Variants in DMXL2 observed in about 807,000 individuals in gnomAD.
The protein encoded by DMXL2 is dmX-like protein 2.
Under a neutral mutation model 331.1 loss-of-function variants are expected in DMXL2, and 103 were observed. The observed-to-expected ratio is 0.31, with a 90% confidence interval of 0.27 to 0.37. DMXL2 has a LOEUF of 0.37. Ranked by LOEUF, DMXL2 falls within the 10% of genes least tolerant of loss-of-function variation. DMXL2 has a pLI of 1.00. For synonymous variants in DMXL2, 1,281 were observed against 1,252.1 expected (o/e 1.02, Z -0.49); for missense variants, 3,171 against 3,642.9 (o/e 0.87, Z 3.33).
chr15:51,521,454 TA>T (rs1318433395), intron 13 of DMXL2, among the ~76,000 whole-genome samples: 5 of 150,012 alleles, frequency 3.3e-5, no homozygotes, highest in African/African-American at 7.4e-5. Context: ...GTAGTAGTAG[TA>T]GTAGTAGTGG....
chr15:51,505,061 A>G (rs1206120197), intron 16 of DMXL2, among the ~76,000 whole-genome samples: 2 of 152,216 alleles, frequency 1.3e-5, no homozygotes, highest in African/African-American at 4.8e-5. Context: ...ATTCACATAT[A>G]TAAAGCACCA....
chr15:51,448,897 A>G lies in DMXL2; in HGVS notation c.*87T>C, dbSNP rs897918707. The G allele has an allele frequency of 6.1e-6, 8 of 1,322,238 alleles. No individual in the cohort carries two copies. The South Asian group carries it at 7.8e-5, about 13-fold the overall frequency. The allele number at this position is 1,322,238 out of a possible 1,614,324, so 81.9% of individuals were successfully genotyped here. ...TCTACACAGAGATTCTCTGTTTTCAATACAACTGCTTAGAAAGCAGAATTG... is the reference window on the plus strand; with the variant it reads ...TCTACACAGAGATTCTCTGTTTTCAGTACAACTGCTTAGAAAGCAGAATTG... On this transcript the variant is annotated 3_prime_UTR_variant, in exon 44 of 44. Coordinates refer to ENST00000560891, the MANE Select transcript of DMXL2 (RefSeq NM_001378457.1).
intron 1 of DMXL2, among the ~76,000 whole-genome samples, chr15:51,619,159 C>T (rs1309303227): frequency 1.3e-5 from 2 of 152,016 alleles, no homozygotes; most frequent in African/African-American, 4.8e-5. Flanking sequence ...GTTGCATAAA[C>T]CCTCAAAACA....
intron 40 of DMXL2, among the ~76,000 whole-genome samples, chr15:51,454,515 G>C (rs978968868): frequency 3.3e-5 from 5 of 151,500 alleles, no homozygotes; most frequent in African/African-American, 1.2e-4. Flanking sequence ...TTTTTTTTCT[G>C]AGACGAAGTC....
chr15:51,546,943 G>A (rs2048923164), intron 7 of DMXL2, among the ~76,000 whole-genome samples: 1 of 152,058 alleles, frequency 6.6e-6, no homozygotes. Flanking sequence ...TATGTGCAAA[G>A]GCCTGTACTA....
chr15:51,546,273 T>C (rs1014405500), intron 7 of DMXL2, among the ~76,000 whole-genome samples: 3 of 152,104 alleles, frequency 2.0e-5, no homozygotes, highest in Non-Finnish European at 4.4e-5. Context: ...CGGCATGGCA[T>C]GGAGCAGCTA....
intron 17 of DMXL2, 84 bp from the exon 18 acceptor site, chr15:51,500,315 A>C: frequency 3.0e-6 from 4 of 1,347,530 alleles, no homozygotes; most frequent in Non-Finnish European, 4.0e-6. Context: ...CTGGAATGTG[A>C]TCAATTTAAA....
chr15:51,466,204 G>C lies in DMXL2; in HGVS notation c.7500C>G (p.His2500Gln), dbSNP rs765432880. The C allele has an allele frequency of 6.4e-7, 1 of 1,564,134 alleles. No homozygotes were observed. The highest frequency in any genetic ancestry group is 2.1e-5 in the Admixed American group (1 of 47,904). The stretch of plus-strand genomic sequence containing the variant: ...TTTACCTATAGGAATTTGGATCTTG[G>C]TGCTCCTGTATTTGTGTATCTGAAA... The part of the protein sequence containing the change: ...AFFSDTQIQE[H>Q]QDPNSYSWAL... The change falls in exon 30 of 44, where the codon CAC (histidine) becomes CAG (glutamine). Residue 2500 changes from histidine to glutamine, a missense_variant. By Grantham distance (24) the His-to-Gln change is conservative. Coordinates refer to ENST00000560891, the MANE Select transcript of DMXL2 (RefSeq NM_001378457.1).
At chr15:51,483,586 C>A (rs1280265613) in intron 23 of DMXL2, among the ~76,000 whole-genome samples, 1 of 152,232 alleles carries the variant, frequency 6.6e-6, no homozygotes, top group African/African-American at 2.4e-5. Context: ...CTACGAGCAG[C>A]TGATATGCCC....
At chr15:51,453,431 CAA>C in intron 41 of DMXL2, 117 bp downstream of exon 41, 1 of 689,528 alleles carries the variant, frequency 1.5e-6, no homozygotes, top group Non-Finnish European at 2.3e-6. Flanking sequence ...AATTATGTAA[CAA>C]AGTTTTTTTT....
intron 1 of DMXL2, among the ~76,000 whole-genome samples, chr15:51,578,113 C>G (rs1445822874): frequency 6.6e-6 from 1 of 152,158 alleles, no homozygotes; most frequent in East Asian, 1.9e-4. Flanking sequence ...AAGTACTCAA[C>G]AAGTGTTGGA....
At chr15:51,496,670 T>C (rs1281469432) in intron 18 of DMXL2, among the ~76,000 whole-genome samples, 1 of 152,192 alleles carries the variant, frequency 6.6e-6, no homozygotes, top group Admixed American at 6.5e-5. Flanking sequence ...AGTTAGGAGA[T>C]GACAGGGACT....
At chr15:51,450,422 T>C in intron 42 of DMXL2, 76 bp from the exon 43 acceptor site, 1 of 1,351,432 alleles carries the variant, frequency 7.4e-7, no homozygotes. Context: ...CATCCACATT[T>C]AAATACAGAC....
At chr15:51,597,159 G>A (rs2052882159) in intron 1 of DMXL2, among the ~76,000 whole-genome samples, 1 of 152,098 alleles carries the variant, frequency 6.6e-6, no homozygotes, top group Admixed American at 6.6e-5. Context: ...TTTAAATTCA[G>A]AGGTGTACCT....
At chr15:51,578,946 C>T (rs1567143593) in intron 1 of DMXL2, among the ~76,000 whole-genome samples, 1 of 152,058 alleles carries the variant, frequency 6.6e-6, no homozygotes, top group Non-Finnish European at 1.5e-5. Context: ...CTCTACAGAA[C>T]ATCCAAAAAT....
At position 51,539,779 on chromosome 15, in the gene DMXL2, T is replaced by C. The variant is rs1000461387; in HGVS notation, c.1106-1327A>G. ...TAGCCTGGGTGACACAGCAAGACCC[T>C]GTCCTCCTCCGCCCAAAAAATGGTA... On this transcript the variant is annotated intron_variant, in intron 9 of 43. Transcript: ENST00000560891. Among the ~76,000 whole-genome samples the C allele has an allele frequency of 6.3e-4, 96 of 152,136 alleles. 1 individual carries two copies. The highest frequency in any genetic ancestry group is 2.2e-3 in the African/African-American group (92 of 41,422).
At position 51,618,932 on chromosome 15, in the gene DMXL2, G is replaced by A. The variant is rs74016411; in HGVS notation, c.87+3527C>T. ...AATTTTTGTAAACTTTGATCAATGT[G>A]TTGAAATCATGTCACACTGGAATAA... is the stretch of plus-strand genomic sequence containing the variant. On this transcript the variant is annotated intron_variant, in intron 1 of 43. Transcript: ENST00000560891. Among the ~76,000 whole-genome samples the A allele has an allele frequency of 6.4e-3, 970 of 152,218 alleles. 17 individuals are homozygous for A. Among genetic ancestry groups the A allele is most frequent in the African/African-American group, 0.022 (933 of 41,536 alleles).
intron 13 of DMXL2, among the ~76,000 whole-genome samples, chr15:51,525,543 G>T (rs532618971): frequency 6.6e-6 from 1 of 152,082 alleles, no homozygotes; most frequent in Non-Finnish European, 1.5e-5. Flanking sequence ...TGGATCTTCT[G>T]TGGGCCAGAA....
chr15:51,556,355 GAA>G (rs59460472), intron 6 of DMXL2, among the ~76,000 whole-genome samples: 7,067 of 118,968 alleles, frequency 0.059, 271 homozygotes, highest in African/African-American at 0.15. Flanking sequence ...AAAAAAAAAA[GAA>G]AAAAAAAAAA....
Sources: gnomAD v4.1 joint callset for allele counts (sites outside exome capture counted in the v4.1 genomes callset) on GRCh38, gnomAD v4.1.1 for gene constraint, MANE v1.5 for transcripts, NCBI Gene and HGNC (gene_info 2026-07-23, HGNC 2026-07-21) for gene names.